The following TNPO3 variants were observed in gnomAD, a reference collection of about 807,000 sequenced individuals.
The protein encoded by TNPO3 is transportin-3.
TNPO3 carries 65 observed loss-of-function variants against 122.8 expected under a neutral mutation model. The ratio of observed to expected loss-of-function variants is 0.53; its 90% confidence interval spans 0.43 to 0.65. The LOEUF (loss-of-function observed/expected upper bound fraction) is 0.65. Ranked by LOEUF, TNPO3 falls within the 30% of genes least tolerant of loss-of-function variation. The pLI is 0.00. For synonymous variants in TNPO3, 372 were observed against 411.2 expected (o/e 0.90, Z 1.15); for missense variants, 850 against 1,136.7 (o/e 0.75, Z 3.63).
At chr7:128,962,321 C>T (rs1287135980) in intron 21 of TNPO3, among the ~76,000 whole-genome samples, 1 of 146,704 alleles carries the variant, frequency 6.8e-6, no homozygotes, top group African/African-American at 2.5e-5. Context: ...GCCGAGATTG[C>T]GCCACTGCAG....
chr7:128,989,934 G>A, intron 11 of TNPO3, 27 bp downstream of exon 11: 1 of 1,599,242 alleles, frequency 6.3e-7, no homozygotes, highest in Non-Finnish European at 8.6e-7. Context: ...CAAGTTAGAA[G>A]TGGCAGAGGA....
At chr7:129,048,048 C>T (rs551714887) in intron 1 of TNPO3, among the ~76,000 whole-genome samples, 2 of 152,246 alleles carry the variant, frequency 1.3e-5, no homozygotes, top group South Asian at 2.1e-4. Flanking sequence ...TGGCAAGACC[C>T]TGACTCTACA....
intron 1 of TNPO3, chr7:129,041,798 T>C: frequency 1.1e-6 from 1 of 931,014 alleles, no homozygotes. Context: ...CAGGCCTTTA[T>C]ATCAGTCTTT....
In TNPO3 at chr7:128,990,108, C is replaced by T; in HGVS notation, c.1359-8G>A. 2.5e-6 allele frequency: 4 copies of T among 1,614,186 alleles called. No individual in the cohort carries two copies. Among genetic ancestry groups the T allele is most frequent in the Non-Finnish European group, 3.4e-6 (4 of 1,180,024 alleles). ...AGTGTTGGATTGTTTTCCCTGAGTA[C>T]AGGCGGTAAGTACTCACAGTTACTG... On this transcript the variant is annotated splice_region_variant and splice_polypyrimidine_tract_variant and intron_variant, in intron 10 of 22. Transcript: ENST00000265388.
chr7:128,983,451 G>A (rs1585333548), intron 13 of TNPO3, among the ~76,000 whole-genome samples: 1 of 152,046 alleles, frequency 6.6e-6, no homozygotes, highest in Admixed American at 6.6e-5. Flanking sequence ...TGATCCACCT[G>A]TCTAGGCCTC....
At position 129,042,359 on chromosome 7, in the gene TNPO3, AACAC is replaced by A. The variant is rs1488345141; in HGVS notation, c.120+12288_120+12291del. 5.9e-5 allele frequency among the ~76,000 whole-genome samples: 9 copies of A among 152,354 alleles called. No individual in the cohort carries two copies. In the East Asian group the frequency reaches 1.5e-3, roughly 26 times the overall value. On this transcript the variant is annotated intron_variant, in intron 1 of 22. Transcript: ENST00000265388. ...GTTCTGGGAAGGAAGACTACATCAG[AACAC>A]AGAGTAAAAAGAACTCTTAAAAAGA...
intron 4 of TNPO3, among the ~76,000 whole-genome samples, chr7:129,012,496 C>A (rs75915225): frequency 2.0e-5 from 3 of 152,114 alleles, no homozygotes; most frequent in Non-Finnish European, 4.4e-5. Flanking sequence ...GCCAACATAA[C>A]GCTCAAAGGG....
chr7:129,043,958 A>C (rs943863905), intron 1 of TNPO3, among the ~76,000 whole-genome samples: 1 of 152,250 alleles, frequency 6.6e-6, no homozygotes, highest in African/African-American at 2.4e-5. Flanking sequence ...CTACCTGCTC[A>C]GTTTTATAAC....
At chr7:129,040,386 T>A (rs1180116558) in intron 1 of TNPO3, among the ~76,000 whole-genome samples, 1 of 152,198 alleles carries the variant, frequency 6.6e-6, no homozygotes, top group Non-Finnish European at 1.5e-5. Flanking sequence ...AGCTATTTTT[T>A]AAAAAACAGG....
chr7:129,022,668 A>C (rs942392488), intron 1 of TNPO3, among the ~76,000 whole-genome samples: 1 of 152,192 alleles, frequency 6.6e-6, no homozygotes, highest in Non-Finnish European at 1.5e-5. Context: ...TGATTTATAA[A>C]GGAAAAAATT....
intron 6 of TNPO3, 87 bp from the exon 7 acceptor site, chr7:129,000,654 G>A: frequency 7.4e-7 from 1 of 1,349,162 alleles, no homozygotes; most frequent in Non-Finnish European, 1.0e-6. Flanking sequence ...ATAAATAAAA[G>A]GTTCCTCAGT....
At chr7:129,032,108 G>C (rs1433478652) in intron 1 of TNPO3, among the ~76,000 whole-genome samples, 1 of 152,138 alleles carries the variant, frequency 6.6e-6, no homozygotes, top group Non-Finnish European at 1.5e-5. Flanking sequence ...AGAAGGAAAA[G>C]ACATGGTCAT....
rs560004725 is a variant in TNPO3 at position 129,006,018 on chromosome 7, G to T, written c.553-859C>A. Among the ~76,000 whole-genome samples the T allele has an allele frequency of 1.7e-4, 26 of 151,952 alleles. 1 individual carries two copies. The South Asian group carries it at 5.2e-3, about 30-fold the overall frequency. ...GACTGGTCTCAAACTCCTGACCTCA[G>T]GCAATCCGCCCACCTTGGCCTCCCA... On this transcript the variant is annotated intron_variant, in intron 4 of 22. Transcript: ENST00000265388.
Position 129,038,985 on chromosome 7 carries a change from T to A in TNPO3, c.120+15666A>T, listed in dbSNP as rs1315134113. ...GTATCCCTGAACCTAAAAGTTTTTT[T>A]AAAAATGGACAAAGAACTTGAATAG... On this transcript the variant is annotated intron_variant, in intron 1 of 22. Coordinates refer to ENST00000265388, the MANE Select transcript of TNPO3 (RefSeq NM_012470.4). 2.0e-5 allele frequency among the ~76,000 whole-genome samples: 3 copies of A among 151,940 alleles called. No individual in the cohort carries two copies. The East Asian group carries it at 5.8e-4, about 29-fold the overall frequency.
At chr7:129,028,843 ATC>A in intron 1 of TNPO3, 1 of 240,762 alleles carries the variant, frequency 4.2e-6, no homozygotes, top group Non-Finnish European at 8.2e-6. Flanking sequence ...TTTCAATTCC[ATC>A]TCTTAGTTTT....
chr7:129,054,818 G>A lies in TNPO3; in HGVS notation c.-48C>T, dbSNP rs774079647. Reference sequence around the variant, plus strand: ...GCGACGGCTCTGATTCTTCTCCGGAGGATTCCTCGGTTGCTCCGCCTTCGC... The same window carrying A: ...GCGACGGCTCTGATTCTTCTCCGGAAGATTCCTCGGTTGCTCCGCCTTCGC... On this transcript the variant is annotated 5_prime_UTR_variant, in exon 1 of 23. Transcript: ENST00000265388. 30 of 1,612,016 alleles carry A rather than the reference G, an allele frequency of 1.9e-5. No individual in the cohort carries two copies. Among genetic ancestry groups the A allele is most frequent in the Admixed American group, 3.3e-5 (2 of 59,938 alleles).
At chr7:129,017,576 T>G (rs1029749904) in intron 2 of TNPO3, among the ~76,000 whole-genome samples, 1 of 152,190 alleles carries the variant, frequency 6.6e-6, no homozygotes, top group Non-Finnish European at 1.5e-5. Flanking sequence ...TTTCCAGTTT[T>G]CCTATCTAAT....
At chr7:128,983,801 G>C (rs1259853100) in intron 13 of TNPO3, among the ~76,000 whole-genome samples, 1 of 152,080 alleles carries the variant, frequency 6.6e-6, no homozygotes, top group African/African-American at 2.4e-5. Context: ...GTATTTGCCT[G>C]TAACTCCTAC....
chr7:128,957,678 G>C (rs1797031288), intron 21 of TNPO3, among the ~76,000 whole-genome samples: 1 of 152,186 alleles, frequency 6.6e-6, no homozygotes, highest in Admixed American at 6.5e-5. Context: ...CACATACAGA[G>C]TGCTTATGAA....
Sources: allele counts gnomAD v4.1 joint callset (sites outside exome capture counted in the v4.1 genomes callset), GRCh38; gene constraint gnomAD v4.1.1; transcripts MANE v1.5; gene names NCBI Gene and HGNC (gene_info 2026-07-23, HGNC 2026-07-21).